ZFHX4: variants seen among roughly 807,000 people sequenced by gnomAD.
ZFHX4 encodes the protein zinc finger homeobox protein 4.
ZFHX4 carries 56 observed loss-of-function variants against 267.6 expected under a neutral mutation model. The ratio of observed to expected loss-of-function variants is 0.21; its 90% CI spans 0.17 to 0.26. The LOEUF is 0.26. Ranked by LOEUF, ZFHX4 falls within the 10% of genes least tolerant of loss-of-function variation. The probability of loss-of-function intolerance (pLI) is 1.00; values close to 1 mark genes in which losing one functional copy is unlikely to be tolerated. For missense variants in ZFHX4, 4,332 were observed against 4,420.0 expected (o/e 0.98, Z 0.56); for synonymous variants, 1,778 against 1,665.6 (o/e 1.07, Z -1.64).
At chr8:76,827,044 T>A (rs562453946) in intron 4 of ZFHX4, among the ~76,000 whole-genome samples, 115 of 152,336 alleles carry the variant, frequency 7.5e-4, no homozygotes, top group Non-Finnish European at 1.4e-3. Context: ...GAATGAAATT[T>A]CTTCTAGACA....
chr8:76,769,091 C>G (rs1810189828), intron 3 of ZFHX4, among the ~76,000 whole-genome samples: 1 of 151,954 alleles, frequency 6.6e-6, no homozygotes, highest in Non-Finnish European at 1.5e-5. Context: ...GAGTAAGACC[C>G]TGTCTCAATA....
At position 76,785,562 on chromosome 8, in the gene ZFHX4, A is replaced by G. The variant is rs1480988585; in HGVS notation, c.3325+7123A>G. ...TCTTCTTTTCTGAGAAGCGTAATAC[A>G]AAGGCTAAATTGTTACCTTATGTTT... is the stretch of plus-strand genomic sequence containing the variant. On this transcript the variant is annotated intron_variant, in intron 4 of 10. Coordinates refer to ENST00000651372, the MANE Select transcript of ZFHX4 (RefSeq NM_024721.5). Among the ~76,000 whole-genome samples, 3 of 152,178 alleles carry G rather than the reference A, an allele frequency of 2.0e-5. No individual in the cohort carries two copies. The East Asian group carries it at 5.8e-4, about 29-fold the overall frequency.
chr8:76,706,598 A>C lies in ZFHX4; in HGVS notation c.2510A>C (p.Glu837Ala). 3 of 1,609,608 alleles carry C rather than the reference A, an allele frequency of 1.9e-6. No individual in the cohort carries two copies. The highest frequency in any genetic ancestry group is 2.5e-6 in the Non-Finnish European group (3 of 1,178,202). Residue 837 changes from glutamate (E) to alanine (A), a missense_variant, in exon 2 of 11, where the codon GAA becomes GCA. Transcript: ENST00000651372. ...QNIGLTGMKL[E>A]NPADPQLMIN... The stretch of plus-strand genomic sequence containing the variant: ...ATAGGCCTGACCGGAATGAAGCTGG[A>C]AAACCCTGCCGACCCTCAGCTGATG...
At chr8:76,790,314 T>A (rs1417113188) in intron 4 of ZFHX4, among the ~76,000 whole-genome samples, 2 of 152,118 alleles carry the variant, frequency 1.3e-5, no homozygotes, top group Non-Finnish European at 2.9e-5. Flanking sequence ...CTGATTTTCA[T>A]CTTAGGAAAC....
chr8:76,833,676 A>T, intron 5 of ZFHX4: 1 of 354,192 alleles, frequency 2.8e-6, no homozygotes, highest in South Asian at 2.7e-5. Flanking sequence ...CTTCATTATC[A>T]CTGCCCTCCC....
chr8:76,688,045 A>C (rs1463651063), intron 1 of ZFHX4, among the ~76,000 whole-genome samples: 1 of 152,198 alleles, frequency 6.6e-6, no homozygotes, highest in East Asian at 1.9e-4. Flanking sequence ...CTGTGTTTTC[A>C]TCATCATTGG....
chr8:76,797,168 T>A (rs1811000140), intron 4 of ZFHX4, among the ~76,000 whole-genome samples: 1 of 152,160 alleles, frequency 6.6e-6, no homozygotes, highest in South Asian at 2.1e-4. Context: ...AGGAGTAGTA[T>A]AGGTGGTTTT....
At chr8:76,689,549 A>T (rs1010357408) in intron 1 of ZFHX4, among the ~76,000 whole-genome samples, 1 of 152,136 alleles carries the variant, frequency 6.6e-6, no homozygotes, top group Admixed American at 6.6e-5. Flanking sequence ...ACAGTCTTTG[A>T]TGGCTAAAGA....
Position 76,706,092 on chromosome 8 carries a change from T to G in ZFHX4, c.2004T>G (p.Pro668=). The part of the protein sequence containing the change: ...TLEAHMKEKH[P]EPGGSCVYCK... ...AGGCCCATATGAAGGAGAAACACCC[T>G]GAGCCGGGTGGCTCTTGTGTTTATT... Residue 668 remains proline, a synonymous_variant, in exon 2 of 11, where the codon CCT becomes CCG. Coordinates refer to ENST00000651372, the MANE Select transcript of ZFHX4 (RefSeq NM_024721.5). 1 of 1,613,614 alleles carries G rather than the reference T, an allele frequency of 6.2e-7. No homozygotes were observed. Among genetic ancestry groups the G allele is most frequent in the Non-Finnish European group, 8.5e-7 (1 of 1,179,756 alleles).
intron 5 of ZFHX4, among the ~76,000 whole-genome samples, chr8:76,835,317 G>T (rs1812066152): frequency 7.0e-6 from 1 of 143,598 alleles, no homozygotes; most frequent in African/African-American, 2.6e-5. Context: ...ATTATATTCA[G>T]ATAATTTAAA....
intron 4 of ZFHX4, among the ~76,000 whole-genome samples, chr8:76,829,010 ATAGTAT>A (rs1811858711): frequency 6.6e-6 from 1 of 152,130 alleles, no homozygotes; most frequent in South Asian, 2.1e-4. Flanking sequence ...TTGCAGGCAA[ATAGTAT>A]TAGTACTATG....
chr8:76,815,645 G>A (rs937600842), intron 4 of ZFHX4, among the ~76,000 whole-genome samples: 1 of 152,082 alleles, frequency 6.6e-6, no homozygotes, highest in Non-Finnish European at 1.5e-5. Flanking sequence ...GGGACTACAG[G>A]CACGTGCCAC....
chr8:76,855,365 C>A lies in ZFHX4; in HGVS notation c.8444C>A (p.Thr2815Asn). 1.2e-6 allele frequency: 2 copies of A among 1,613,706 alleles called. No homozygotes were observed. The highest frequency in any genetic ancestry group is 1.7e-6 in the Non-Finnish European group (2 of 1,179,842). Residue 2815 changes from threonine (T) to asparagine (N), a missense_variant, in exon 10 of 11, where the codon ACC (threonine) becomes AAC (asparagine). Transcript: ENST00000651372. ...SINTAISDAT[T>N]GDEGNTEMES... ...AATACGGCAATCAGTGACGCCACCA[C>A]CGGAGACGAGGGAAACACTGAAATG... is the stretch of plus-strand genomic sequence containing the variant.
In ZFHX4 at chr8:76,854,986, G is replaced by A. The variant is rs1030264978; in HGVS notation, c.8065G>A (p.Ala2689Thr). Residue 2689 changes from alanine (A) to threonine (T), a missense_variant, in exon 10 of 11, where the codon GCC becomes ACC. Around this residue, in one of 7 missense-constraint regions of ZFHX4, gnomAD observed 1,648 missense variants for 1,625.0 expected, o/e 1.01. Transcript: ENST00000651372. ...CCGAGCCCTGTTTAAAGCAAAGTCG[G>A]CCTTAGAAAGCCACATTCGCTCTCG... ...FCRALFKAKS[A>T]LESHIRSRHW... 1 of 1,613,826 alleles carries A rather than the reference G, an allele frequency of 6.2e-7. No homozygotes were observed. The highest frequency in any genetic ancestry group is 1.3e-5 in the African/African-American group (1 of 74,914).
At chr8:76,779,190 G>A (rs1043595298) in intron 4 of ZFHX4, among the ~76,000 whole-genome samples, 2 of 152,082 alleles carry the variant, frequency 1.3e-5, no homozygotes, top group Non-Finnish European at 2.9e-5. Context: ...TGGATCAAAG[G>A]TGGTTCAGGG....
rs760172491 is a variant in ZFHX4, at chr8:76,707,641, A to G, written c.2686A>G (p.Ile896Val). ...TACTGCAGGAGAGCTGTCACCTTAT[A>G]TCAGTGACCCAGCGCTGAAGCTATT... ...LLTAGELSPY[I>V]SDPALKLFQC... The change falls in exon 3 of 11, where the codon ATC (isoleucine) becomes GTC (valine). Residue 896 changes from isoleucine to valine, a missense_variant. This residue lies in a region of ZFHX4 where 1,195 missense variants were observed against 1,173.6 expected (regional missense o/e 1.02). Transcript: ENST00000651372. 3.1e-6 allele frequency: 5 copies of G among 1,613,722 alleles called. No homozygotes were observed. Among genetic ancestry groups the G allele is most frequent in the Admixed American group, 1.7e-5 (1 of 59,978 alleles).
At chr8:76,731,739 AT>A (rs1585890830) in intron 3 of ZFHX4, among the ~76,000 whole-genome samples, 1 of 151,970 alleles carries the variant, frequency 6.6e-6, no homozygotes, top group African/African-American at 2.4e-5. Flanking sequence ...GTCAATATAT[AT>A]TTTGGAATCA....
At chr8:76,823,566 G>A (rs1367172831) in intron 4 of ZFHX4, among the ~76,000 whole-genome samples, 2 of 151,962 alleles carry the variant, frequency 1.3e-5, no homozygotes, top group Admixed American at 6.6e-5. Context: ...TTTCACTTAT[G>A]TTTGTATCAA....
intron 4 of ZFHX4, among the ~76,000 whole-genome samples, chr8:76,788,620 T>C (rs1810754167): frequency 6.6e-6 from 1 of 152,194 alleles, no homozygotes; most frequent in Non-Finnish European, 1.5e-5. Flanking sequence ...GACATTGAAA[T>C]GCCATTTTGG....
Sources: gnomAD v4.1 joint callset for allele counts (sites outside exome capture counted in the v4.1 genomes callset) on GRCh38, gnomAD v4.1.1 for gene constraint, gnomAD v4.1.1 regional missense constraint, MANE v1.5 for transcripts, NCBI Gene and HGNC (gene_info 2026-07-23, HGNC 2026-07-21) for gene names.